ROBO2: variants seen among roughly 807,000 people sequenced by gnomAD.
The protein encoded by ROBO2 is roundabout homolog 2.
Under a neutral mutation model 160.8 loss-of-function variants are expected in ROBO2, and 53 were observed. The ratio of observed to expected loss-of-function variants is 0.33; its 90% CI spans 0.26 to 0.41. ROBO2 has a LOEUF of 0.41. Ranked by LOEUF, ROBO2 falls within the 10% of genes least tolerant of loss-of-function variation. The pLI, the probability that ROBO2 is intolerant of heterozygous loss-of-function variation, is 1.00. For synonymous variants in ROBO2, 664 were observed against 611.7 expected (o/e 1.09, Z -1.26); for missense variants, 1,577 against 1,722.4 (o/e 0.92, Z 1.49).
chr3:76,085,055 A>G (rs144849699), intron 2 of ROBO2, among the ~76,000 whole-genome samples: 73 of 152,002 alleles, frequency 4.8e-4, no homozygotes, highest in South Asian at 2.7e-3. Context: ...CTTAAAGCTT[A>G]TCCATGATCT....
intron 2 of ROBO2, among the ~76,000 whole-genome samples, chr3:77,409,727 A>G (rs1188640481): frequency 6.6e-6 from 1 of 152,148 alleles, no homozygotes; most frequent in Admixed American, 6.5e-5. Flanking sequence ...GGTTTCAAGT[A>G]GCATTAAAAA....
intron 2 of ROBO2, among the ~76,000 whole-genome samples, chr3:76,660,516 C>T (rs747017946): frequency 4.6e-5 from 7 of 152,036 alleles, no homozygotes; most frequent in Admixed American, 1.3e-4. Context: ...ACGTGTAGAG[C>T]CCCAGTGGTT....
At chr3:77,366,153 A>G (rs993437130) in intron 2 of ROBO2, among the ~76,000 whole-genome samples, 2 of 152,164 alleles carry the variant, frequency 1.3e-5, no homozygotes, top group African/African-American at 4.8e-5. Context: ...TCATCCATGC[A>G]TGGATCTTTA....
chr3:77,047,825 C>T lies in ROBO2; in HGVS notation c.61+6979C>T, dbSNP rs944522003. Reference sequence around the variant, plus strand: ...TTGGGAGGCTGAGGCAGGTGGATCACGAGGTCAGGAGGTCGAGACTATCCT... The same window carrying T: ...TTGGGAGGCTGAGGCAGGTGGATCATGAGGTCAGGAGGTCGAGACTATCCT... On this transcript the variant is annotated intron_variant, in intron 1 of 25. Coordinates refer to ENST00000461745, the Ensembl canonical transcript of ROBO2. 4.6e-5 allele frequency among the ~76,000 whole-genome samples: 7 copies of T among 151,526 alleles called. No individual in the cohort carries two copies. In the East Asian group the frequency reaches 5.8e-4, roughly 13 times the overall value.
intron 2 of ROBO2, among the ~76,000 whole-genome samples, chr3:76,096,285 A>AACTTGGGTAACAT (rs2069450540): frequency 1.3e-5 from 2 of 152,204 alleles, no homozygotes; most frequent in African/African-American, 4.8e-5. Context: ...TTGAGATAAT[A>AACTTGGGTAACAT]AACTAGCCAG....
chr3:75,969,766 T>C (rs2064937843), intron 2 of ROBO2, among the ~76,000 whole-genome samples: 1 of 151,624 alleles, frequency 6.6e-6, no homozygotes, highest in Non-Finnish European at 1.5e-5. Context: ...TTGAGTTGTG[T>C]GAGATTTTCA....
intron 19 of ROBO2, among the ~76,000 whole-genome samples, chr3:77,601,858 T>C (rs146176120): frequency 2.4e-4 from 37 of 152,342 alleles, no homozygotes; most frequent in African/African-American, 8.2e-4. Flanking sequence ...GTGGATTCAG[T>C]ATCATTGCAA....
At chr3:77,570,973 G>C (rs1333829003) in intron 13 of ROBO2, among the ~76,000 whole-genome samples, 1 of 151,948 alleles carries the variant, frequency 6.6e-6, no homozygotes, top group African/African-American at 2.4e-5. Context: ...TTCTAAAATG[G>C]CTGCTTTTAG....
chr3:75,911,215 C>T (rs1318002334), intron 1 of ROBO2, among the ~76,000 whole-genome samples: 1 of 152,042 alleles, frequency 6.6e-6, no homozygotes, highest in African/African-American at 2.4e-5. Context: ...AGCTTCTCAG[C>T]GATCAAATAC....
At chr3:76,989,451 T>G (rs1378766557) in intron 2 of ROBO2, among the ~76,000 whole-genome samples, 1 of 152,120 alleles carries the variant, frequency 6.6e-6, no homozygotes, top group East Asian at 1.9e-4. Flanking sequence ...TCATTTCCCA[T>G]TATAGTCTCT....
At chr3:76,772,254 A>G (rs1457850641) in intron 2 of ROBO2, among the ~76,000 whole-genome samples, 1 of 151,166 alleles carries the variant, frequency 6.6e-6, no homozygotes, top group African/African-American at 2.4e-5. Flanking sequence ...GTTCTCCAGA[A>G]TCATAGTGGT....
intron 2 of ROBO2, among the ~76,000 whole-genome samples, chr3:76,723,752 C>G (rs1033530303): frequency 5.3e-5 from 8 of 152,216 alleles, no homozygotes; most frequent in Admixed American, 2.0e-4. Context: ...TGCTTTCATA[C>G]TGCTATCAAC....
At position 76,771,388 on chromosome 3, in the gene ROBO2, CAT is replaced by C. The variant is rs199712355; in HGVS notation, c.110-326625_110-326624del. On this transcript the variant is annotated intron_variant, in intron 2 of 26. Coordinates refer to the ROBO2 transcript ENST00000487694. ...CAAACTTAAAATTACATATGTGACT[CAT>C]GTGATACTTATTTTGAACAGCACCA... Among the ~76,000 whole-genome samples the C allele has an allele frequency of 4.2e-4, 64 of 151,306 alleles. No individual in the cohort carries two copies. The East Asian group carries it at 0.01, about 24-fold the overall frequency.
chr3:76,935,164 G>T (rs1296586649), intron 2 of ROBO2, among the ~76,000 whole-genome samples: 1 of 151,894 alleles, frequency 6.6e-6, no homozygotes, highest in African/African-American at 2.4e-5. Context: ...TGTTGCCCAG[G>T]CTGATCTCAA....
At chr3:77,120,711 T>A (rs1230032612) in intron 2 of ROBO2, among the ~76,000 whole-genome samples, 1 of 152,138 alleles carries the variant, frequency 6.6e-6, no homozygotes, top group African/African-American at 2.4e-5. Context: ...AGTATACATT[T>A]TAGCTAAGTT....
chr3:76,733,686 A>T (rs999910698), intron 2 of ROBO2, among the ~76,000 whole-genome samples: 3 of 152,256 alleles, frequency 2.0e-5, no homozygotes, highest in Non-Finnish European at 4.4e-5. Context: ...TGTTCTCAGG[A>T]ATTATAAATA....
intron 2 of ROBO2, among the ~76,000 whole-genome samples, chr3:76,987,716 T>A (rs1324524064): frequency 6.6e-6 from 1 of 152,136 alleles, no homozygotes; most frequent in African/African-American, 2.4e-5. Flanking sequence ...AAACGACCCA[T>A]CAGTTCTCAT....
At chr3:76,304,482 C>G (rs550795568) in intron 2 of ROBO2, among the ~76,000 whole-genome samples, 1 of 152,278 alleles carries the variant, frequency 6.6e-6, no homozygotes, top group East Asian at 1.9e-4. Context: ...AGTTATGAAG[C>G]TAATGCTAAT....
intron 2 of ROBO2, among the ~76,000 whole-genome samples, chr3:76,291,334 G>A (rs1175536964): frequency 1.3e-5 from 2 of 152,130 alleles, no homozygotes; most frequent in Non-Finnish European, 2.9e-5. Flanking sequence ...TATGTGCATA[G>A]AGGTGTTCAT....
Sources: gnomAD v4.1 joint callset for allele counts (sites outside exome capture counted in the v4.1 genomes callset) on GRCh38, gnomAD v4.1.1 for gene constraint, MANE v1.5 for transcripts, NCBI Gene and HGNC (gene_info 2026-07-23, HGNC 2026-07-21) for gene names.